PLXDC2: variants seen among roughly 807,000 people sequenced by gnomAD.
PLXDC2 encodes the protein plexin domain containing 2.
In PLXDC2, 40 loss-of-function variants were observed where a neutral mutation model predicts 68.9. The observed-to-expected ratio is 0.58, with a 90% CI of 0.45 to 0.76. PLXDC2 has a LOEUF of 0.76. PLXDC2 is among the 30% of genes least tolerant of loss of function. The pLI is 0.00. For missense variants in PLXDC2, 644 were observed against 661.9 expected (o/e 0.97, Z 0.30); for synonymous variants, 243 against 234.2 (o/e 1.04, Z -0.34).
At chr10:20,264,562 C>G (rs938822804) in intron 13 of PLXDC2, among the ~76,000 whole-genome samples, 1 of 151,298 alleles carries the variant, frequency 6.6e-6, no homozygotes, top group Non-Finnish European at 1.5e-5. Flanking sequence ...AAAGAACAAC[C>G]CAAATTAACA....
At chr10:20,255,710 T>C (rs1835733787) in intron 13 of PLXDC2, among the ~76,000 whole-genome samples, 1 of 152,094 alleles carries the variant, frequency 6.6e-6, no homozygotes, top group African/African-American at 2.4e-5. Context: ...AAAATTAAAA[T>C]GTAAAATTTT....
rs1056669223 is a variant in PLXDC2, at chr10:20,286,649, A to G, written c.*6830A>G. ...GAATTTTAGGGGAAAGTATAAACCT[A>G]AGAGTGAGTGAATGGAGATGATTCA... On this transcript the variant is annotated 3_prime_UTR_variant, in exon 14 of 14. Coordinates refer to ENST00000377252, the MANE Select transcript of PLXDC2 (RefSeq NM_032812.9). 6.6e-6 allele frequency: 1 copy of G among 152,204 alleles called. No individual in the cohort carries two copies. Among genetic ancestry groups the G allele is most frequent in the Non-Finnish European group, 1.5e-5 (1 of 68,042 alleles). The allele number at this position is 152,204 out of a possible 1,614,324, so 9.4% of individuals were successfully genotyped here. A position where few individuals can be genotyped will look rare whatever the true frequency, so the allele number is the denominator to read the frequency against.
chr10:20,235,349 G>A (rs1460055616), intron 12 of PLXDC2, among the ~76,000 whole-genome samples: 1 of 152,066 alleles, frequency 6.6e-6, no homozygotes, highest in African/African-American at 2.4e-5. Flanking sequence ...ATATTAATGA[G>A]AGTTAATAAT....
In PLXDC2 at chr10:20,248,648, C is replaced by T. The variant is rs1835631998; in HGVS notation, c.1473+3143C>T. On this transcript the variant is annotated intron_variant, in intron 13 of 13. Coordinates refer to ENST00000377252, the MANE Select transcript of PLXDC2 (RefSeq NM_032812.9). The stretch of plus-strand genomic sequence containing the variant: ...CATGCGGCTCACAGTGGCTGGTAAG[C>T]AGCTGATTTTTGGAGGTGATAATCA... 2.0e-5 allele frequency among the ~76,000 whole-genome samples: 3 copies of T among 152,136 alleles called. No individual in the cohort carries two copies. The South Asian group carries it at 6.2e-4, about 32-fold the overall frequency.
chr10:20,145,500 C>T (rs77317257), intron 5 of PLXDC2, among the ~76,000 whole-genome samples: 1 of 152,140 alleles, frequency 6.6e-6, no homozygotes, highest in East Asian at 1.9e-4. Flanking sequence ...GTTGAGAGAG[C>T]TATGCTATTA....
chr10:20,028,390 T>C (rs553416553), intron 2 of PLXDC2, among the ~76,000 whole-genome samples: 5 of 152,240 alleles, frequency 3.3e-5, no homozygotes, highest in Non-Finnish European at 7.4e-5. Context: ...GAAAGAAAAA[T>C]AGAAATGCAG....
At chr10:20,091,702 A>C (rs2131731053) in intron 4 of PLXDC2, 1 of 152,230 alleles carries the variant, frequency 6.6e-6, no homozygotes, top group South Asian at 2.1e-4. Flanking sequence ...AAAATCTTTA[A>C]GTCTGCGAGG....
intron 1 of PLXDC2, among the ~76,000 whole-genome samples, chr10:19,875,020 G>A (rs1837607561): frequency 6.6e-6 from 1 of 152,130 alleles, no homozygotes; most frequent in African/African-American, 2.4e-5. Context: ...TCATCGAAAT[G>A]ACTTCTCTGG....
intron 2 of PLXDC2, among the ~76,000 whole-genome samples, chr10:20,044,760 A>G (rs77036339): frequency 0.018 from 2,693 of 152,182 alleles, 77 homozygotes; most frequent in African/African-American, 0.061. Context: ...AAATTCCTGA[A>G]TGTCTCAGTA....
intron 6 of PLXDC2, among the ~76,000 whole-genome samples, chr10:20,149,008 G>T (rs1834115087): frequency 6.6e-6 from 1 of 151,938 alleles, no homozygotes; most frequent in African/African-American, 2.4e-5. Context: ...GGGGGCAATT[G>T]TGTAAACAGG....
intron 1 of PLXDC2, among the ~76,000 whole-genome samples, chr10:19,818,848 AC>A (rs1478435905): frequency 1.3e-5 from 2 of 152,158 alleles, no homozygotes; most frequent in Non-Finnish European, 2.9e-5. Flanking sequence ...AATTAACTCC[AC>A]CACAAACGAG....
chr10:19,925,370 G>A (rs767455993), intron 1 of PLXDC2, among the ~76,000 whole-genome samples: 1 of 152,204 alleles, frequency 6.6e-6, no homozygotes, highest in Non-Finnish European at 1.5e-5. Flanking sequence ...ATAGTCAGGA[G>A]GGAGTTGAGC....
At chr10:19,966,765 A>G (rs2131608024) in intron 1 of PLXDC2, among the ~76,000 whole-genome samples, 1 of 151,982 alleles carries the variant, frequency 6.6e-6, no homozygotes, top group South Asian at 2.1e-4. Context: ...GAGACCCATA[A>G]TTTGAGAACA....
chr10:20,158,065 TA>T (rs566351186), intron 6 of PLXDC2, among the ~76,000 whole-genome samples: 37 of 147,356 alleles, frequency 2.5e-4, no homozygotes, highest in Admixed American at 7.5e-4. Flanking sequence ...CTACATTGTT[TA>T]AAAAAAAAAA....
chr10:19,974,240 G>T (rs1834411184), intron 1 of PLXDC2, among the ~76,000 whole-genome samples: 1 of 152,204 alleles, frequency 6.6e-6, no homozygotes, highest in African/African-American at 2.4e-5. Flanking sequence ...CAGGAAGTAG[G>T]TAAGTGGCCA....
intron 1 of PLXDC2, among the ~76,000 whole-genome samples, chr10:19,941,849 G>GCT (rs1388007163): frequency 2.0e-5 from 3 of 151,600 alleles, no homozygotes; most frequent in Non-Finnish European, 4.4e-5. Flanking sequence ...GTTTCACATA[G>GCT]CTCTTCTCAT....
At chr10:19,991,645 G>T (rs1279058882) in intron 1 of PLXDC2, among the ~76,000 whole-genome samples, 5 of 152,052 alleles carry the variant, frequency 3.3e-5, no homozygotes, top group Non-Finnish European at 7.4e-5. Context: ...GCTCAATGTT[G>T]CACCATTATG....
At position 20,079,248 on chromosome 10, in the gene PLXDC2, G is replaced by T. The variant is rs185565006; in HGVS notation, c.541+11009G>T. Among the ~76,000 whole-genome samples the T allele has an allele frequency of 1.4e-3, 219 of 152,124 alleles. 1 individual carries two copies. The highest frequency in any genetic ancestry group is 5.0e-3 in the African/African-American group (208 of 41,504). On this transcript the variant is annotated intron_variant, in intron 4 of 13. Coordinates refer to ENST00000377252, the MANE Select transcript of PLXDC2 (RefSeq NM_032812.9). The stretch of plus-strand genomic sequence containing the variant: ...ACATTTATGTGGCAAACAAACATAT[G>T]AAAAAAAGCTCATCATCACTGGTCA...
chr10:19,829,125 T>A (rs923382244), intron 1 of PLXDC2, among the ~76,000 whole-genome samples: 1 of 150,944 alleles, frequency 6.6e-6, no homozygotes, highest in African/African-American at 2.4e-5. Context: ...GTGCACGTGC[T>A]TTTACCTCTT....
Sources: allele counts gnomAD v4.1 joint callset (sites outside exome capture counted in the v4.1 genomes callset), GRCh38; gene constraint gnomAD v4.1.1; transcripts MANE v1.5; gene names NCBI Gene and HGNC (gene_info 2026-07-23, HGNC 2026-07-21).